The following RASAL2 variants were observed in gnomAD, a reference collection of about 807,000 sequenced individuals.
The protein encoded by RASAL2 is ras GTPase-activating protein nGAP.
In RASAL2, 58 loss-of-function variants were observed where a neutral mutation model predicts 128.9. That is an observed-to-expected ratio of 0.45 (90% confidence interval 0.36 to 0.56). RASAL2 has a LOEUF of 0.56. RASAL2 is among the 20% of genes least tolerant of loss of function. RASAL2 has a pLI of 0.00. For synonymous variants in RASAL2, 561 were observed against 580.8 expected (o/e 0.97, Z 0.49); for missense variants, 1,360 against 1,601.6 (o/e 0.85, Z 2.57).
intron 1 of RASAL2, among the ~76,000 whole-genome samples, chr1:178,127,365 A>G (rs1168090121): frequency 6.6e-5 from 10 of 152,196 alleles, no homozygotes; most frequent in Admixed American, 6.5e-4. Flanking sequence ...CTGAAATAGA[A>G]GCGTTTAAAG....
chr1:178,148,088 TA>T (rs534729993), intron 1 of RASAL2, among the ~76,000 whole-genome samples: 88 of 151,808 alleles, frequency 5.8e-4, no homozygotes, highest in Middle Eastern at 6.8e-3. Flanking sequence ...ATAAATTAAT[TA>T]AAAAAATAAA....
intron 3 of RASAL2, among the ~76,000 whole-genome samples, chr1:178,303,035 A>G (rs1294367942): frequency 6.6e-6 from 1 of 152,178 alleles, no homozygotes; most frequent in Admixed American, 6.5e-5. Flanking sequence ...ACAAAGTATA[A>G]TAGTGTGTTG....
At chr1:178,196,722 C>A (rs1272511655) in intron 1 of RASAL2, among the ~76,000 whole-genome samples, 2 of 152,104 alleles carry the variant, frequency 1.3e-5, no homozygotes, top group Admixed American at 6.6e-5. Flanking sequence ...TTGTGCAGAT[C>A]CTGAAACCGG....
chr1:178,245,262 C>T (rs1664719199), intron 1 of RASAL2, among the ~76,000 whole-genome samples: 1 of 152,170 alleles, frequency 6.6e-6, no homozygotes, highest in Non-Finnish European at 1.5e-5. Context: ...TTTTAATGAT[C>T]ACCATTCTAA....
intron 4 of RASAL2, among the ~76,000 whole-genome samples, chr1:178,393,479 AGGAGGCAGAGCT>A (rs1430248541): frequency 6.6e-6 from 1 of 152,184 alleles, no homozygotes; most frequent in Non-Finnish European, 1.5e-5. Flanking sequence ...CTGATCTGAC[AGGAGGCAGAGCT>A]CAGGCTGCAA....
chr1:178,176,385 T>A (rs1036748528), intron 1 of RASAL2, among the ~76,000 whole-genome samples: 1 of 149,396 alleles, frequency 6.7e-6, no homozygotes, highest in Non-Finnish European at 1.5e-5. Flanking sequence ...TTCCTGTCAT[T>A]TGCCCACTTT....
In RASAL2 at chr1:178,424,233, T is replaced by C. The variant is rs76334222; in HGVS notation, c.674+3613T>C. 5.5e-3 allele frequency among the ~76,000 whole-genome samples: 836 copies of C among 150,702 alleles called. 10 individuals carry two copies. The highest frequency in any genetic ancestry group is 0.019 in the African/African-American group (781 of 41,024). Reference sequence around the variant, plus strand: ...AAGTGTTGTGGTTTTTTTTTTTTGGTTTTTTTTGTTTGTTTGTTTGTTTTT... The same window carrying C: ...AAGTGTTGTGGTTTTTTTTTTTTGGCTTTTTTTGTTTGTTTGTTTGTTTTT... On this transcript the variant is annotated intron_variant, in intron 5 of 17. Coordinates refer to ENST00000367649, the MANE Select transcript of RASAL2 (RefSeq NM_170692.4).
At chr1:178,403,689 A>G (rs1673792332) in intron 4 of RASAL2, among the ~76,000 whole-genome samples, 1 of 152,144 alleles carries the variant, frequency 6.6e-6, no homozygotes, top group African/African-American at 2.4e-5. Context: ...CAAATGGATT[A>G]GGGATCTAAA....
At chr1:178,237,547 G>A (rs184132047) in intron 1 of RASAL2, among the ~76,000 whole-genome samples, 8 of 152,274 alleles carry the variant, frequency 5.3e-5, no homozygotes, top group Non-Finnish European at 7.4e-5. Flanking sequence ...AGTGGTTTAC[G>A]AGTATAGACT....
intron 4 of RASAL2, among the ~76,000 whole-genome samples, chr1:178,406,634 G>C (rs1674018170): frequency 6.6e-6 from 1 of 151,924 alleles, no homozygotes; most frequent in Non-Finnish European, 1.5e-5. Flanking sequence ...GACATAAAAG[G>C]TTTGAAATAA....
In RASAL2 at chr1:178,474,201, A is replaced by G. The variant is rs1648517951; in HGVS notation, c.*962A>G. The G allele has an allele frequency of 6.6e-6, 1 of 152,624 alleles. No homozygotes were observed. The highest frequency in any genetic ancestry group is 2.4e-5 in the African/African-American group (1 of 41,440). 9.5% of individuals were successfully genotyped at this position (152,624 alleles called of 1,614,324 possible). On this transcript the variant is annotated 3_prime_UTR_variant, in exon 18 of 18. Transcript: ENST00000367649. The stretch of plus-strand genomic sequence containing the variant: ...AAATAGCTGTCCATAAGCCATCCAG[A>G]TCAACACCCTTTCTTCCATACAGAA...
chr1:178,450,182 A>G (rs182268953), intron 9 of RASAL2, among the ~76,000 whole-genome samples: 207 of 152,274 alleles, frequency 1.4e-3, no homozygotes, highest in African/African-American at 4.8e-3. Context: ...TGATTTTTAA[A>G]TTAAAATACT....
chr1:178,346,066 T>C (rs1240240074), intron 3 of RASAL2, among the ~76,000 whole-genome samples: 1 of 152,232 alleles, frequency 6.6e-6, no homozygotes, highest in Admixed American at 6.5e-5. Context: ...ATCTCTATTG[T>C]ACAGCTGAAA....
intron 1 of RASAL2, among the ~76,000 whole-genome samples, chr1:178,146,213 A>G (rs1558079657): frequency 6.6e-6 from 1 of 152,236 alleles, no homozygotes; most frequent in Non-Finnish European, 1.5e-5. Flanking sequence ...GGGCTTTAAA[A>G]AGGTACTTCT....
intron 1 of RASAL2, among the ~76,000 whole-genome samples, chr1:178,110,907 T>G (rs1033517408): frequency 4.6e-5 from 7 of 151,982 alleles, no homozygotes; most frequent in Non-Finnish European, 7.4e-5. Context: ...TACTGTATTG[T>G]TTTTTAAAAT....
At chr1:178,184,907 T>C (rs558526888) in intron 1 of RASAL2, among the ~76,000 whole-genome samples, 1 of 152,218 alleles carries the variant, frequency 6.6e-6, no homozygotes, top group East Asian at 1.9e-4. Context: ...TAGGGAAGAA[T>C]TGAATCTTTT....
At chr1:178,152,665 A>G (rs968820861) in intron 1 of RASAL2, among the ~76,000 whole-genome samples, 1 of 152,136 alleles carries the variant, frequency 6.6e-6, no homozygotes, top group African/African-American at 2.4e-5. Flanking sequence ...CTCTGTCTCA[A>G]AAAAACAAAA....
intron 1 of RASAL2, among the ~76,000 whole-genome samples, chr1:178,235,772 C>A (rs529357761): frequency 2.6e-5 from 4 of 152,270 alleles, no homozygotes; most frequent in East Asian, 1.9e-4. Context: ...GTGTCTACAT[C>A]AGTGGTTTTC....
rs1404818574 is a variant in RASAL2, at chr1:178,456,795, A to T, written c.2286A>T (p.Pro762=). The T allele has an allele frequency of 1.2e-6, 2 of 1,614,062 alleles. No homozygotes were observed. Among genetic ancestry groups the T allele is most frequent in the Non-Finnish European group, 1.7e-6 (2 of 1,180,038 alleles). ...DITKSLTNPT[P]IQQQLRRFTE... ...CCAAGTCATTGACTAATCCTACGCC[A>T]ATACAACAGCAACTGAGACGCTTCA... Residue 762 remains proline, a synonymous_variant, in exon 13 of 18, where the codon CCA becomes CCT. Transcript: ENST00000367649.
Sources: allele counts gnomAD v4.1 joint callset (sites outside exome capture counted in the v4.1 genomes callset), GRCh38; gene constraint gnomAD v4.1.1; transcripts MANE v1.5; gene names NCBI Gene and HGNC (gene_info 2026-07-23, HGNC 2026-07-21).